Variants in ARL3 observed in about 807,000 individuals in gnomAD.
ARL3 encodes the protein ARF like GTPase 3.
In ARL3, 9 loss-of-function variants were observed where a neutral mutation model predicts 26.0. The ratio of observed to expected loss-of-function variants is 0.35; its 90% CI spans 0.21 to 0.60. The LOEUF is 0.60. Among genes scored for constraint, ARL3 ranks in the 20% least tolerant of loss-of-function variants. The pLI, the probability that ARL3 is intolerant of heterozygous loss-of-function variation, is 0.78. For synonymous variants in ARL3, 71 were observed against 78.4 expected, an observed-to-expected ratio of 0.91 and a Z score of 0.50; for missense variants, 158 against 215.7, an observed-to-expected ratio of 0.73 and a Z score of 1.67.
intron 4 of ARL3, 70 bp from the exon 5 acceptor site, chr10:102,686,071 CTT>C (rs762594294): frequency 0.041 from 34,128 of 842,378 alleles, no homozygotes; most frequent in South Asian, 0.055. Context: ...CCATACACTA[CTT>C]TTTTTTTTTT....
intron 2 of ARL3, among the ~76,000 whole-genome samples, chr10:102,703,645 A>G (rs887978383): frequency 3.4e-5 from 5 of 148,716 alleles, no homozygotes; most frequent in Non-Finnish European, 5.9e-5. Context: ...GGGTTTCACC[A>G]TGTTAGCCAG....
intron 5 of ARL3, among the ~76,000 whole-genome samples, chr10:102,678,287 C>T (rs183250000): frequency 1.1e-4 from 16 of 152,246 alleles, no homozygotes; most frequent in South Asian, 4.1e-4. Context: ...GGACTCCAAA[C>T]GCATCTCTAA....
At chr10:102,706,676 A>C (rs555422008) in intron 1 of ARL3, among the ~76,000 whole-genome samples, 8 of 151,556 alleles carry the variant, frequency 5.3e-5, no homozygotes, top group Non-Finnish European at 5.9e-5. Context: ...TAACCAAGGA[A>C]TTTTTTACTG....
intron 4 of ARL3, among the ~76,000 whole-genome samples, chr10:102,687,975 G>A (rs1053409462): frequency 6.6e-6 from 1 of 152,084 alleles, no homozygotes; most frequent in Non-Finnish European, 1.5e-5. Flanking sequence ...AACTGAAAAT[G>A]ACAATTACTT....
rs57721161 is a variant in ARL3, at chr10:102,703,425, C to CT, written c.147+1920dup. Among the ~76,000 whole-genome samples, 98 of 48,478 alleles carry CT rather than the reference C, an allele frequency of 2.0e-3. 11 individuals are homozygous for CT. The highest frequency in any genetic ancestry group is 3.0e-3 in the Non-Finnish European group (80 of 26,538). 31.8% of individuals were successfully genotyped at this position (48,478 alleles called of 152,430 possible). ...ATGAGCCATGGTGCCCAGGACTTGT[C>CT]TTTTTTTTTTTTTTTTTTTTTTTTT... On this transcript the variant is annotated intron_variant, in intron 2 of 5. Coordinates refer to ENST00000260746, the MANE Select transcript of ARL3 (RefSeq NM_004311.4).
At chr10:102,693,554 G>C (rs988446889) in intron 3 of ARL3, among the ~76,000 whole-genome samples, 1 of 152,092 alleles carries the variant, frequency 6.6e-6, no homozygotes, top group African/African-American at 2.4e-5. Flanking sequence ...CTTGAGTTTT[G>C]AGTTATTTGT....
chr10:102,694,834 T>C (rs1400446397), intron 3 of ARL3, among the ~76,000 whole-genome samples: 2 of 152,204 alleles, frequency 1.3e-5, no homozygotes, highest in Admixed American at 6.5e-5. Flanking sequence ...TTCTCCTGTC[T>C]TAGCCTCCCG....
intron 1 of ARL3, among the ~76,000 whole-genome samples, chr10:102,713,715 G>A (rs2064361760): frequency 6.6e-6 from 1 of 152,036 alleles, no homozygotes. Context: ...CCTTCCAAGC[G>A]GCACCCCTTT....
At chr10:102,694,424 G>A (rs1054210847) in intron 3 of ARL3, among the ~76,000 whole-genome samples, 1 of 152,162 alleles carries the variant, frequency 6.6e-6, no homozygotes, top group Non-Finnish European at 1.5e-5. Flanking sequence ...GAGTTTTATA[G>A]TGTTTGGGTT....
At chr10:102,690,167 AGGAT>A (rs1321926426) in intron 3 of ARL3, among the ~76,000 whole-genome samples, 1 of 152,206 alleles carries the variant, frequency 6.6e-6, no homozygotes, top group African/African-American at 2.4e-5. Flanking sequence ...TCCAAAGTCT[AGGAT>A]TTAGGAAAAC....
chr10:102,711,650 C>A (rs201294366), intron 1 of ARL3, among the ~76,000 whole-genome samples: 1 of 151,842 alleles, frequency 6.6e-6, no homozygotes, highest in Non-Finnish European at 1.5e-5. Context: ...CCATCTGCTG[C>A]GGAGGCTAAG....
chr10:102,681,136 C>T (rs1590118922), intron 5 of ARL3, among the ~76,000 whole-genome samples: 2 of 152,190 alleles, frequency 1.3e-5, no homozygotes, highest in African/African-American at 4.8e-5. Context: ...GCCTGTAATC[C>T]CAGCACTTTG....
chr10:102,699,746 A>G (rs553609625), intron 2 of ARL3, among the ~76,000 whole-genome samples: 2 of 152,320 alleles, frequency 1.3e-5, no homozygotes, highest in South Asian at 2.1e-4. Context: ...ATATACATAT[A>G]TAATTACTGA....
rs959341557 is a variant in ARL3, at chr10:102,685,236, T to A, written c.501+580A>T. On this transcript the variant is annotated intron_variant, in intron 5 of 5. Transcript: ENST00000260746. ...TGCACTCCAGCCTGGGCAATGAGAA[T>A]GAAACTCCGTCTCAAAAAAAAAAAA... Among the ~76,000 whole-genome samples the A allele has an allele frequency of 6.7e-5, 6 of 89,214 alleles. No individual in the cohort carries two copies. In the East Asian group the frequency reaches 2.0e-3, roughly 30 times the overall value. 58.5% of individuals were successfully genotyped at this position (89,214 alleles called of 152,430 possible).
chr10:102,687,020 G>A (rs1479477938), intron 4 of ARL3, among the ~76,000 whole-genome samples: 12 of 151,142 alleles, frequency 7.9e-5, no homozygotes, highest in African/African-American at 1.2e-4. Flanking sequence ...GATTACAGGC[G>A]CCCACCACCA....
At chr10:102,702,020 CAAAAAAAAA>C (rs34993485) in intron 2 of ARL3, among the ~76,000 whole-genome samples, 6 of 117,708 alleles carry the variant, frequency 5.1e-5, no homozygotes, top group Non-Finnish European at 1.7e-5. Flanking sequence ...CCATCTCTAC[CAAAAAAAAA>C]AAAAAAAAAA....
intron 1 of ARL3, among the ~76,000 whole-genome samples, chr10:102,709,927 G>A (rs2064329603): frequency 6.6e-6 from 1 of 151,918 alleles, no homozygotes; most frequent in Non-Finnish European, 1.5e-5. Flanking sequence ...CCAGCTACTT[G>A]GGAGGCTGAG....
chr10:102,689,966 T>C, intron 3 of ARL3, 23 bp from the exon 4 acceptor site: 4 of 1,526,620 alleles, frequency 2.6e-6, no homozygotes, highest in Non-Finnish European at 3.6e-6. Flanking sequence ...AGAAGAAGGT[T>C]ATTTCAGTGA....
chr10:102,692,090 C>T (rs895137608), intron 3 of ARL3, among the ~76,000 whole-genome samples: 5 of 152,154 alleles, frequency 3.3e-5, no homozygotes, highest in African/African-American at 4.8e-5. Flanking sequence ...CTGGATTGTA[C>T]GTTAATTCCC....
Sources: allele counts gnomAD v4.1 joint callset (sites outside exome capture counted in the v4.1 genomes callset), GRCh38; gene constraint gnomAD v4.1.1; transcripts MANE v1.5; gene names NCBI Gene and HGNC (gene_info 2026-07-23, HGNC 2026-07-21).